Variants in PPP1R21 observed in about 807,000 individuals in gnomAD.
PPP1R21 encodes protein phosphatase 1 regulatory subunit 21.
PPP1R21 carries 85 observed loss-of-function variants against 112.8 expected under a neutral mutation model. That is an observed-to-expected ratio of 0.75 (90% CI 0.63 to 0.90). PPP1R21 has a LOEUF of 0.90. Ranked by LOEUF, PPP1R21 falls within the 40% of genes least tolerant of loss-of-function variation. PPP1R21 has a pLI of 0.00. For synonymous variants in PPP1R21, 381 were observed against 322.3 expected (o/e 1.18, Z -1.95); for missense variants, 1,199 against 901.5 (o/e 1.33, Z -4.23).
In PPP1R21 at chr2:48,515,062, G is replaced by C; in HGVS notation, c.*318G>C. 1 of 299,268 alleles carries C rather than the reference G, an allele frequency of 3.3e-6. No individual in the cohort carries two copies. The highest frequency in any genetic ancestry group is 8.9e-5 in the South Asian group (1 of 11,282). 18.5% of individuals were successfully genotyped at this position (299,268 alleles called of 1,614,324 possible). ...TTCAGTATGTAAGAACAAATATTTT[G>C]TATACTTTCAAACTCAATTATATGG... On this transcript the variant is annotated 3_prime_UTR_variant, in exon 22 of 22. Transcript: ENST00000294952.
At chr2:48,500,446 AAG>A (rs1303471541) in intron 17 of PPP1R21, among the ~76,000 whole-genome samples, 1 of 152,116 alleles carries the variant, frequency 6.6e-6, no homozygotes, top group Non-Finnish European at 1.5e-5. Context: ...TAAAATATAG[AAG>A]AGAAAAAAGA....
chr2:48,495,446 C>T, intron 15 of PPP1R21, among the ~76,000 whole-genome samples: 1 of 152,180 alleles, frequency 6.6e-6, no homozygotes, highest in East Asian at 1.9e-4. Context: ...TTGTGATCCG[C>T]TCGCCTCGAC....
In PPP1R21 at chr2:48,462,664, G is replaced by T. The variant is rs140832964; in HGVS notation, c.694+1432G>T. On this transcript the variant is annotated intron_variant, in intron 7 of 21. Coordinates refer to ENST00000294952, the MANE Select transcript of PPP1R21 (RefSeq NM_001135629.3). ...AGGACATGTAAGTTCTGAAAGGTAT[G>T]GTGGGACTGGACCCTAGTGTTCTGG... is the stretch of plus-strand genomic sequence containing the variant. Among the ~76,000 whole-genome samples, 72 of 152,312 alleles carry T rather than the reference G, an allele frequency of 4.7e-4. No individual in the cohort carries two copies. The East Asian group carries it at 0.014, about 29-fold the overall frequency.
chr2:48,475,650 C>T (rs981264852), intron 12 of PPP1R21, among the ~76,000 whole-genome samples: 4 of 152,028 alleles, frequency 2.6e-5, no homozygotes, highest in Non-Finnish European at 5.9e-5. Context: ...AAGTTCGAGA[C>T]CAGCCTGACC....
intron 15 of PPP1R21, among the ~76,000 whole-genome samples, chr2:48,491,680 A>T (rs1198724271): frequency 1.3e-5 from 2 of 152,146 alleles, no homozygotes; most frequent in African/African-American, 4.8e-5. Context: ...AAATGTTATT[A>T]TATGTTTGAG....
At chr2:48,502,290 A>ATTG (rs1670153011) in intron 17 of PPP1R21, among the ~76,000 whole-genome samples, 1 of 152,158 alleles carries the variant, frequency 6.6e-6, no homozygotes, top group African/African-American at 2.4e-5. Context: ...TCTCTCCATC[A>ATTG]TGAGGGTCAC....
Position 48,461,183 on chromosome 2 carries a change from A to G in PPP1R21, c.645A>G (p.Leu215=). ...TTCATGAAGATTTGTCAGGTAGATT[A>G]GAGGAATCCTTATCAATCATCAATG... ...KTLHEDLSGR[L]EESLSIINEK... is the part of the protein sequence containing the mutation. Residue 215 remains leucine, a synonymous_variant, in exon 7 of 22, where the codon TTA becomes TTG. Transcript: ENST00000294952. The G allele has an allele frequency of 6.3e-7, 1 of 1,584,626 alleles. No homozygotes were observed. The highest frequency in any genetic ancestry group is 1.2e-5 in the South Asian group (1 of 84,356).
At chr2:48,487,057 G>A (rs1572874728) in intron 14 of PPP1R21, among the ~76,000 whole-genome samples, 1 of 152,276 alleles carries the variant, frequency 6.6e-6, no homozygotes, top group African/African-American at 2.4e-5. Flanking sequence ...AATGTTTAAA[G>A]CAATGTGACA....
rs1667893422 is a variant in PPP1R21, at chr2:48,459,765, T to C, written c.387T>C (p.Ala129=). The C allele has an allele frequency of 6.2e-7, 1 of 1,612,460 alleles. No homozygotes were observed. Among genetic ancestry groups the C allele is most frequent in the Non-Finnish European group, 8.5e-7 (1 of 1,179,552 alleles). ...TCTTCTCTTTTTAGTTTTTTGAAGC[T>C]GATGAGCAGCACAAGCATGTGGAAG... ...NERLHIQFFE[A]DEQHKHVEAE... Residue 129 remains alanine, a synonymous_variant, in exon 5 of 22, where the codon GCT becomes GCC. Transcript: ENST00000294952.
intron 2 of PPP1R21, among the ~76,000 whole-genome samples, chr2:48,451,370 C>G (rs1667461400): frequency 6.6e-6 from 1 of 152,212 alleles, no homozygotes; most frequent in South Asian, 2.1e-4. Context: ...ATTATTAAGG[C>G]TTCTTATCAG....
In PPP1R21 at chr2:48,505,498, C is replaced by T. The variant is rs561397935; in HGVS notation, c.1936-66C>T. Reference sequence around the variant, plus strand: ...AACGGAGAGGAGAAAATATTAAAAGCGTTTGATCTATTGTGCTTGAAATGT... The same window carrying T: ...AACGGAGAGGAGAAAATATTAAAAGTGTTTGATCTATTGTGCTTGAAATGT... On this transcript the variant is annotated intron_variant, in intron 17 of 21. Coordinates refer to ENST00000294952, the MANE Select transcript of PPP1R21 (RefSeq NM_001135629.3). The T allele has an allele frequency of 3.5e-5, 41 of 1,168,906 alleles. 1 individual carries two copies. Among genetic ancestry groups the T allele is most frequent in the South Asian group, 3.2e-4 (24 of 75,996 alleles). The allele number at this position is 1,168,906 out of a possible 1,614,324, so 72.4% of individuals were successfully genotyped here. A position where few individuals can be genotyped will look rare whatever the true frequency, so the allele number is the denominator to read the frequency against.
At chr2:48,496,163 G>C (rs1669824197) in intron 16 of PPP1R21, among the ~76,000 whole-genome samples, 1 of 152,116 alleles carries the variant, frequency 6.6e-6, no homozygotes, top group South Asian at 2.1e-4. Flanking sequence ...GTGGTCAGTT[G>C]AGTTTAGGGA....
chr2:48,445,432 C>T (rs1434049825), intron 1 of PPP1R21, among the ~76,000 whole-genome samples: 2 of 152,080 alleles, frequency 1.3e-5, no homozygotes, highest in Non-Finnish European at 2.9e-5. Flanking sequence ...CTAGCTTAGA[C>T]CCTGGGTCTT....
chr2:48,465,296 A>C (rs150370364), intron 8 of PPP1R21, among the ~76,000 whole-genome samples, 197 bp from the exon 9 acceptor site: 2 of 152,296 alleles, frequency 1.3e-5, no homozygotes, highest in African/African-American at 4.8e-5. Context: ...GGTTAAGTGC[A>C]GGAGGTGTAT....
chr2:48,453,281 C>T (rs534245187), intron 2 of PPP1R21, among the ~76,000 whole-genome samples: 1 of 152,018 alleles, frequency 6.6e-6, no homozygotes, highest in African/African-American at 2.4e-5. Context: ...ACAGTTAAAT[C>T]ATCTGTTCGT....
intron 17 of PPP1R21, among the ~76,000 whole-genome samples, chr2:48,504,258 A>G (rs902769054): frequency 6.6e-6 from 1 of 152,240 alleles, no homozygotes; most frequent in Non-Finnish European, 1.5e-5. Flanking sequence ...TTTTACAGCC[A>G]GGTGGGCATA....
chr2:48,509,214 A>G (rs1670521907), intron 19 of PPP1R21, among the ~76,000 whole-genome samples: 1 of 152,130 alleles, frequency 6.6e-6, no homozygotes, highest in Non-Finnish European at 1.5e-5. Flanking sequence ...TTCCCTTGTA[A>G]GTAGCGCATA....
intron 1 of PPP1R21, among the ~76,000 whole-genome samples, chr2:48,442,470 C>G (rs1266060478): frequency 6.6e-6 from 1 of 152,072 alleles, no homozygotes; most frequent in Non-Finnish European, 1.5e-5. Flanking sequence ...GTAATAAAAA[C>G]TGAAAAGTTT....
intron 19 of PPP1R21, among the ~76,000 whole-genome samples, chr2:48,507,749 C>CTTTTTTTTTGTTTTT (rs1670449608): frequency 2.4e-5 from 1 of 42,392 alleles, no homozygotes; most frequent in African/African-American, 1.0e-4. Flanking sequence ...GAGGCTCTGC[C>CTTTTTTTTTGTTTTT]TTTTTTTTTT....
Sources: allele counts gnomAD v4.1 joint callset (sites outside exome capture counted in the v4.1 genomes callset), GRCh38; gene constraint gnomAD v4.1.1; transcripts MANE v1.5; gene names NCBI Gene and HGNC (gene_info 2026-07-23, HGNC 2026-07-21).